Variants in SEMA3A observed in about 807,000 individuals in gnomAD.
SEMA3A encodes semaphorin-3A.
Under a neutral mutation model 97.9 loss-of-function variants are expected in SEMA3A, and 29 were observed. That is an observed-to-expected ratio of 0.30 (90% confidence interval 0.22 to 0.40). The LOEUF (loss-of-function observed/expected upper bound fraction) is 0.40. Among genes scored for constraint, SEMA3A ranks in the 10% least tolerant of loss-of-function variants. The pLI is 1.00. For missense variants in SEMA3A, 763 were observed against 951.3 expected, an observed-to-expected ratio of 0.80 and a Z score of 2.60; for synonymous variants, 321 against 323.7, an observed-to-expected ratio of 0.99 and a Z score of 0.09.
At chr7:84,418,586 G>A (rs1256693852) in intron 1 of SEMA3A, among the ~76,000 whole-genome samples, 4 of 151,982 alleles carry the variant, frequency 2.6e-5, no homozygotes, top group Non-Finnish European at 5.9e-5. Context: ...TGAAGAAGAG[G>A]GATAAGCAGG....
At chr7:84,197,511 T>C (rs1201915922), upstream of SEMA3A, among the ~76,000 whole-genome samples, 1 of 152,174 alleles carries the variant, frequency 6.6e-6, no homozygotes, top group African/African-American at 2.4e-5. Context: ...ATTATATTTC[T>C]ACTGCCTTCT....
At chr7:84,066,693 A>T (rs1195925277) in intron 4 of SEMA3A, among the ~76,000 whole-genome samples, 1 of 151,436 alleles carries the variant, frequency 6.6e-6, no homozygotes, top group Non-Finnish European at 1.5e-5. Flanking sequence ...AGAATAAAAT[A>T]CCTAGGAATC....
chr7:84,250,527 C>A (rs545141455), intron 3 of SEMA3A, among the ~76,000 whole-genome samples: 70 of 152,232 alleles, frequency 4.6e-4, no homozygotes, highest in Admixed American at 7.2e-4. Context: ...GTTTCTCTGT[C>A]TACATCTGTG....
intron 2 of SEMA3A, among the ~76,000 whole-genome samples, chr7:84,311,615 A>T (rs745679022): frequency 6.6e-6 from 1 of 152,026 alleles, no homozygotes; most frequent in Non-Finnish European, 1.5e-5. Flanking sequence ...TAGGCACCAT[A>T]GAACATTGCT....
At chr7:84,125,202 C>T (rs1338173685) in intron 3 of SEMA3A, among the ~76,000 whole-genome samples, 1 of 151,980 alleles carries the variant, frequency 6.6e-6, no homozygotes, top group African/African-American at 2.4e-5. Context: ...TTTTTGAAAA[C>T]ATTATTAAGG....
At chr7:84,383,252 T>A (rs1562927723) in intron 1 of SEMA3A, among the ~76,000 whole-genome samples, 1 of 152,140 alleles carries the variant, frequency 6.6e-6, no homozygotes, top group Non-Finnish European at 1.5e-5. Flanking sequence ...CCAATGAACT[T>A]CTGTACTAAA....
intron 2 of SEMA3A, among the ~76,000 whole-genome samples, chr7:84,355,548 A>G (rs1802537315): frequency 6.6e-6 from 1 of 151,902 alleles, no homozygotes; most frequent in African/African-American, 2.4e-5. Context: ...AAGAGTGAGA[A>G]GAGGTTGATA....
At chr7:84,227,169 T>C (rs73712711) in intron 3 of SEMA3A, among the ~76,000 whole-genome samples, 10,824 of 151,630 alleles carry the variant, frequency 0.071, 542 homozygotes, top group Non-Finnish European at 0.084. Context: ...TATATATGTA[T>C]CTATATATCT....
At chr7:84,176,067 TCTTCCTTAAGAACAATTATGTCTA>T (rs763284624) in intron 1 of SEMA3A, among the ~76,000 whole-genome samples, 9,482 of 152,280 alleles carry the variant, frequency 0.062, 389 homozygotes, top group East Asian at 0.15. Context: ...TCAATGCTTA[TCTTCCTTAAGAACAATTATGTCTA>T]TTTAGTGGTT....
chr7:84,418,621 C>A (rs1804499669), intron 1 of SEMA3A, among the ~76,000 whole-genome samples: 1 of 151,994 alleles, frequency 6.6e-6, no homozygotes, highest in Non-Finnish European at 1.5e-5. Context: ...ATTTTTCTGT[C>A]TTCCCATGGC....
At chr7:84,152,856 C>G (rs2116131089) in intron 1 of SEMA3A, among the ~76,000 whole-genome samples, 1 of 151,922 alleles carries the variant, frequency 6.6e-6, no homozygotes, top group South Asian at 2.1e-4. Context: ...TTTTTATTAG[C>G]TTAAATGCTA....
At chr7:84,432,019 C>A (rs1241706080) in intron 1 of SEMA3A, among the ~76,000 whole-genome samples, 3 of 151,872 alleles carry the variant, frequency 2.0e-5, no homozygotes, top group Non-Finnish European at 4.4e-5. Context: ...TACACATAGG[C>A]AAAGAAGGGA....
chr7:84,282,736 G>A (rs1375009229), intron 3 of SEMA3A, among the ~76,000 whole-genome samples: 3 of 152,088 alleles, frequency 2.0e-5, no homozygotes, highest in African/African-American at 7.2e-5. Flanking sequence ...TTTTGGGGCC[G>A]GGTGCAGTGG....
intron 12 of SEMA3A, among the ~76,000 whole-genome samples, chr7:83,985,903 A>G (rs1789614111): frequency 2.0e-5 from 3 of 152,156 alleles, no homozygotes; most frequent in African/African-American, 7.2e-5. Context: ...GTATCTTCGT[A>G]AATCATTTGG....
chr7:84,053,044 G>C (rs1399614465), intron 5 of SEMA3A, among the ~76,000 whole-genome samples: 1 of 147,714 alleles, frequency 6.8e-6, no homozygotes, highest in Admixed American at 6.8e-5. Flanking sequence ...TCTTAATCCT[G>C]AGTTCTAGTT....
chr7:84,481,667 C>A (rs1806448853), intron 1 of SEMA3A, among the ~76,000 whole-genome samples: 1 of 152,032 alleles, frequency 6.6e-6, no homozygotes, highest in South Asian at 2.1e-4. Flanking sequence ...TAAGTTCACT[C>A]TTTTCAGCTA....
chr7:84,140,776 T>C (rs141874507), intron 1 of SEMA3A, among the ~76,000 whole-genome samples: 1 of 152,098 alleles, frequency 6.6e-6, no homozygotes. Flanking sequence ...AGTTCCAGAA[T>C]AGAGGCTGAA....
chr7:84,193,841 A>T (rs1009886416), intron 1 of SEMA3A, among the ~76,000 whole-genome samples: 1 of 152,138 alleles, frequency 6.6e-6, no homozygotes, highest in Admixed American at 6.6e-5. Context: ...ACTGAAGTAC[A>T]TATAGAATTA....
chr7:84,476,069 T>G (rs992637569), intron 1 of SEMA3A, among the ~76,000 whole-genome samples: 1 of 152,126 alleles, frequency 6.6e-6, no homozygotes, highest in African/African-American at 2.4e-5. Context: ...TTTAAAAATT[T>G]TTTTTGGCCA....
Sources: gnomAD v4.1 joint callset for allele counts (sites outside exome capture counted in the v4.1 genomes callset) on GRCh38, gnomAD v4.1.1 for gene constraint, MANE v1.5 for transcripts, NCBI Gene and HGNC (gene_info 2026-07-23, HGNC 2026-07-21) for gene names.